The following IL1RAPL2 variants were observed in gnomAD, a reference collection of about 807,000 sequenced individuals.
IL1RAPL2 encodes the protein interleukin 1 receptor accessory protein like 2.
In IL1RAPL2, 3 loss-of-function variants were observed where a neutral mutation model predicts 44.1. The observed-to-expected ratio is 0.07, with a 90% CI of 0.03 to 0.18. The LOEUF (loss-of-function observed/expected upper bound fraction) is 0.18, where lower values mean the gene tolerates loss of function less well. Among genes scored for constraint, IL1RAPL2 ranks in the 10% least tolerant of loss-of-function variants. The pLI, the probability that IL1RAPL2 is intolerant of heterozygous loss-of-function variation, is 1.00. For synonymous variants in IL1RAPL2, 181 were observed against 178.8 expected (o/e 1.01, Z -0.10); for missense variants, 391 against 496.4 (o/e 0.79, Z 2.02).
chrX:105,766,455 C>G (rs989783622), intron 10 of IL1RAPL2, among the ~76,000 whole-genome samples: 1 of 111,711 alleles, frequency 9.0e-6, no homozygotes, highest in African/African-American at 3.3e-5. Flanking sequence ...GTATACATAG[C>G]CCCCTCCTTG....
intron 3 of IL1RAPL2, among the ~76,000 whole-genome samples, chrX:105,218,295 C>T (rs1418871016): frequency 9.0e-6 from 1 of 111,391 alleles, no homozygotes; most frequent in Non-Finnish European, 1.9e-5. Context: ...CTCCCAAAGA[C>T]ACTTGCCTCT....
chrX:105,239,651 C>T (rs1332271145), intron 4 of IL1RAPL2, among the ~76,000 whole-genome samples: 2 of 92,961 alleles, frequency 2.2e-5, no homozygotes, highest in Non-Finnish European at 3.9e-5. Flanking sequence ...CTTAAGGGTT[C>T]TAACGGGTGT....
chrX:104,853,019 A>T (rs1416839639), intron 2 of IL1RAPL2, among the ~76,000 whole-genome samples: 1 of 111,891 alleles, frequency 8.9e-6, no homozygotes, highest in Admixed American at 9.5e-5. Context: ...ACTTGTGGGA[A>T]ATCAAAATCC....
chrX:104,653,142 T>G (rs926690721), intron 1 of IL1RAPL2, among the ~76,000 whole-genome samples: 35 of 111,496 alleles, frequency 3.1e-4, no homozygotes, highest in Non-Finnish European at 1.3e-4. Context: ...AAGCATCTCC[T>G]CTGGACATTG....
intron 2 of IL1RAPL2, among the ~76,000 whole-genome samples, chrX:105,087,571 C>A (rs1016393848): frequency 5.4e-5 from 6 of 111,949 alleles, no homozygotes; most frequent in Admixed American, 3.8e-4. Flanking sequence ...AGGATAAAGG[C>A]AAGGAGCAGT....
At chrX:104,623,085 A>G (rs1398938298) in intron 1 of IL1RAPL2, among the ~76,000 whole-genome samples, 4 of 111,088 alleles carry the variant, frequency 3.6e-5, no homozygotes, top group Middle Eastern at 4.6e-3. Context: ...CATAATGTCT[A>G]GAAACTGCCT....
At chrX:105,289,410 AG>A (rs2034596091) in intron 5 of IL1RAPL2, among the ~76,000 whole-genome samples, 1 of 111,640 alleles carries the variant, frequency 9.0e-6, no homozygotes, top group Non-Finnish European at 1.9e-5. Context: ...CATAGACTGA[AG>A]GGGGCAAGGA....
At chrX:105,354,918 G>T (rs990912615) in intron 5 of IL1RAPL2, among the ~76,000 whole-genome samples, 2 of 111,640 alleles carry the variant, frequency 1.8e-5, no homozygotes, top group African/African-American at 6.5e-5. Context: ...TTCAGTAAAT[G>T]ACATTACCCT....
At chrX:105,062,413 A>G (rs1219070330) in intron 2 of IL1RAPL2, among the ~76,000 whole-genome samples, 2 of 111,362 alleles carry the variant, frequency 1.8e-5, no homozygotes, top group African/African-American at 6.5e-5. Context: ...TGTTGCAGTT[A>G]TTATTTTCGA....
At chrX:105,116,213 C>T (rs772647491) in intron 2 of IL1RAPL2, among the ~76,000 whole-genome samples, 39 of 112,494 alleles carry the variant, frequency 3.5e-4, no homozygotes, top group Non-Finnish European at 6.0e-4. Flanking sequence ...GCACTGAGGC[C>T]GAGGAGGCAC....
intron 5 of IL1RAPL2, among the ~76,000 whole-genome samples, chrX:105,382,549 G>A (rs1481414504): frequency 1.1e-3 from 114 of 103,934 alleles, no homozygotes; most frequent in Non-Finnish European, 1.8e-3. Context: ...AACCATTGTG[G>A]AAGTCAGTGT....
intron 6 of IL1RAPL2, among the ~76,000 whole-genome samples, chrX:105,603,870 A>G (rs2037272995): frequency 8.9e-6 from 1 of 112,010 alleles, no homozygotes; most frequent in Non-Finnish European, 1.9e-5. Context: ...AACTTTGGAA[A>G]TTGTATAAAC....
At chrX:105,072,009 G>C (rs2032213850) in intron 2 of IL1RAPL2, among the ~76,000 whole-genome samples, 1 of 111,600 alleles carries the variant, frequency 9.0e-6, no homozygotes, top group Non-Finnish European at 1.9e-5. Flanking sequence ...ATATAGTTTG[G>C]ATCTGTGTCC....
intron 4 of IL1RAPL2, among the ~76,000 whole-genome samples, chrX:105,244,668 A>G (rs1419443733): frequency 8.9e-6 from 1 of 112,054 alleles, no homozygotes; most frequent in South Asian, 3.7e-4. Flanking sequence ...TGGTCATTCA[A>G]TACTCCTTGG....
chrX:105,038,411 T>C (rs958378806), intron 2 of IL1RAPL2, among the ~76,000 whole-genome samples: 1 of 111,893 alleles, frequency 8.9e-6, no homozygotes, highest in Non-Finnish European at 1.9e-5. Flanking sequence ...CCTTTATGTG[T>C]TCCTCTTTCT....
intron 2 of IL1RAPL2, among the ~76,000 whole-genome samples, chrX:105,089,418 C>T (rs908888720): frequency 1.8e-5 from 2 of 111,177 alleles, no homozygotes; most frequent in African/African-American, 3.3e-5. Flanking sequence ...TATTTTCCTT[C>T]TTACTCTGTA....
rs771185653 is a variant in IL1RAPL2, at chrX:105,503,416, C to G, written c.772+19029C>G. ...ACACAATGTTTGATTTATATTAATG[C>G]GCTTTGGTCTTGGTAGACCAGAATT... On this transcript the variant is annotated intron_variant, in intron 6 of 10. Coordinates refer to ENST00000372582, the MANE Select transcript of IL1RAPL2 (RefSeq NM_017416.2). Among the ~76,000 whole-genome samples, 6 of 111,589 alleles carry G rather than the reference C, an allele frequency of 5.4e-5. No homozygotes were observed. In the East Asian group the frequency reaches 1.7e-3, roughly 32 times the overall value.
chrX:104,658,655 G>A (rs969100214), intron 1 of IL1RAPL2, among the ~76,000 whole-genome samples: 1 of 112,152 alleles, frequency 8.9e-6, no homozygotes, highest in Non-Finnish European at 1.9e-5. Context: ...TCTAATGGAA[G>A]GAGTTCAGAT....
intron 2 of IL1RAPL2, among the ~76,000 whole-genome samples, chrX:104,871,783 C>T (rs1922770875): frequency 8.9e-6 from 1 of 111,806 alleles, no homozygotes. Context: ...CCCCATTATA[C>T]ATCAAAACTT....
Sources: gnomAD v4.1 joint callset for allele counts (sites outside exome capture counted in the v4.1 genomes callset) on GRCh38, gnomAD v4.1.1 for gene constraint, MANE v1.5 for transcripts, NCBI Gene and HGNC (gene_info 2026-07-23, HGNC 2026-07-21) for gene names.